Variants in TMC5 observed in about 807,000 individuals in gnomAD.
TMC5 encodes transmembrane channel-like protein 5.
TMC5 carries 86 observed loss-of-function variants against 110.5 expected under a neutral mutation model. That is an observed-to-expected ratio of 0.78 (90% confidence interval 0.65 to 0.93). The LOEUF is 0.93. Ranked by LOEUF, TMC5 falls within the 40% of genes least tolerant of loss-of-function variation. The pLI is 0.00. For missense variants in TMC5, 1,144 were observed against 1,222.8 expected (o/e 0.94, Z 0.96); for synonymous variants, 455 against 439.5 (o/e 1.04, Z -0.44).
intron 1 of TMC5, among the ~76,000 whole-genome samples, chr16:19,423,747 G>GTTATTA (rs528805466): frequency 3.3e-5 from 5 of 151,550 alleles, no homozygotes; most frequent in East Asian, 1.9e-4. Context: ...CAATTTTATT[G>GTTATTA]TTATTATTAT....
chr16:19,456,551 G>A (rs1967877402), intron 5 of TMC5: 1 of 1,425,332 alleles, frequency 7.0e-7, no homozygotes, highest in Non-Finnish European at 9.2e-7. Context: ...GCTTTGGTGA[G>A]CTCATCCTGG....
intron 4 of TMC5, among the ~76,000 whole-genome samples, chr16:19,445,495 G>A (rs1468196554): frequency 6.6e-6 from 1 of 152,060 alleles, no homozygotes; most frequent in Non-Finnish European, 1.5e-5. Context: ...TCCAGTCTCG[G>A]CCTCCCAAAG....
At chr16:19,466,019 C>T (rs1218996669) in intron 8 of TMC5, 63 bp from the exon 9 acceptor site, 3 of 1,577,602 alleles carry the variant, frequency 1.9e-6, no homozygotes, top group Admixed American at 1.7e-5. Flanking sequence ...ACTCTCATGA[C>T]CATAATCGTT....
In TMC5 at chr16:19,481,295, A is replaced by T; in HGVS notation, c.2268-75A>T. The T allele has an allele frequency of 2.8e-6, 3 of 1,079,990 alleles. No individual in the cohort carries two copies. In the Admixed American group the frequency reaches 5.2e-5, roughly 19 times the overall value. The allele number at this position is 1,079,990 out of a possible 1,614,324, so 66.9% of individuals were successfully genotyped here. Reference sequence around the variant, plus strand: ...AAGCTGGGGAGGGTCTCTTTTGTTGATTGTCCTAGTCTGTGGGGGATCTTC... The same window carrying T: ...AAGCTGGGGAGGGTCTCTTTTGTTGTTTGTCCTAGTCTGTGGGGGATCTTC... On this transcript the variant is annotated intron_variant, in intron 14 of 21. Coordinates refer to ENST00000542583, the MANE Select transcript of TMC5 (RefSeq NM_001261841.2).
At chr16:19,485,076 T>G (rs1276491487) in intron 15 of TMC5, among the ~76,000 whole-genome samples, 1 of 151,614 alleles carries the variant, frequency 6.6e-6, no homozygotes, top group Non-Finnish European at 1.5e-5. Context: ...ACGTTTCACC[T>G]GTACCATTAT....
chr16:19,466,054 C>T, intron 8 of TMC5, 28 bp from the exon 9 acceptor site: 1 of 1,611,228 alleles, frequency 6.2e-7, no homozygotes, highest in Non-Finnish European at 8.5e-7. Flanking sequence ...GGAGATCCAC[C>T]TGACCTATGG....
At chr16:19,416,811 C>A (rs566257639), upstream of TMC5, among the ~76,000 whole-genome samples, 1 of 152,106 alleles carries the variant, frequency 6.6e-6, no homozygotes, top group Non-Finnish European at 1.5e-5. Context: ...TGTGGCCAGG[C>A]GGCCAGATGC....
In TMC5 at chr16:19,440,435, C is replaced by T. The variant is rs376637338; in HGVS notation, c.397C>T (p.Arg133Ter). The T allele has an allele frequency of 4.8e-5, 77 of 1,613,992 alleles. 1 individual carries two copies. The highest frequency in any genetic ancestry group is 1.9e-4 in the African/African-American group (14 of 74,980). ...ACAACCAGACTACCCTGGATCTCAA[C>T]GAAATCCTGATTTTGCAGGCTCCAG... is the stretch of plus-strand genomic sequence containing the variant. ...SRQPDYPGSQ[R>*]NPDFAGSSSS... The change falls in exon 3 of 22, where the codon CGA becomes TGA. Residue 133 changes from arginine to a stop codon, truncating the protein, a stop_gained. Transcript: ENST00000542583. LOFTEE classifies it high-confidence loss of function.
intron 2 of TMC5, among the ~76,000 whole-genome samples, chr16:19,437,667 A>G (rs1373222462): frequency 1.3e-5 from 2 of 152,188 alleles, no homozygotes; most frequent in African/African-American, 4.8e-5. Flanking sequence ...TCATCTCATC[A>G]TGCTGGCTTG....
In TMC5 at chr16:19,477,435, T is replaced by C; in HGVS notation, c.2091-5T>C. On this transcript the variant is annotated splice_polypyrimidine_tract_variant and splice_region_variant and intron_variant, in intron 12 of 21. Coordinates refer to ENST00000542583, the MANE Select transcript of TMC5 (RefSeq NM_001261841.2). ...GTAATCATAAATGTTGTCTCTTCTG[T>C]TTAGAAACATCTTTTTGAAAATATC... The C allele has an allele frequency of 6.2e-7, 1 of 1,605,318 alleles. No individual in the cohort carries two copies.
rs1969103095 is a variant in TMC5 at position 19,498,082 on chromosome 16, G to C, written c.*116G>C. On this transcript the variant is annotated 3_prime_UTR_variant, in exon 22 of 22. Coordinates refer to ENST00000542583, the MANE Select transcript of TMC5 (RefSeq NM_001261841.2). ...GCCCAGAAGAAAATCCAAGGCTTTA[G>C]CCAGGAGCGGAAACTGACTACCATG... 1 of 1,039,974 alleles carries C rather than the reference G, an allele frequency of 9.6e-7. No individual in the cohort carries two copies. The highest frequency in any genetic ancestry group is 1.5e-6 in the Non-Finnish European group (1 of 673,932). The allele number at this position is 1,039,974 out of a possible 1,614,324, so 64.4% of individuals were successfully genotyped here. A position where few individuals can be genotyped will look rare whatever the true frequency, so the allele number is the denominator to read the frequency against.
chr16:19,418,299 C>G (rs1966902594), intron 1 of TMC5, among the ~76,000 whole-genome samples: 1 of 152,138 alleles, frequency 6.6e-6, no homozygotes. Context: ...ATTATGAGAA[C>G]AAGCCCTAGG....
chr16:19,418,469 G>A (rs1966905735), intron 1 of TMC5, among the ~76,000 whole-genome samples: 1 of 152,084 alleles, frequency 6.6e-6, no homozygotes, highest in African/African-American at 2.4e-5. Context: ...ATAAAATACG[G>A]TGCACGACAA....
At chr16:19,426,607 T>A (rs1199632669) in intron 1 of TMC5, among the ~76,000 whole-genome samples, 1 of 152,060 alleles carries the variant, frequency 6.6e-6, no homozygotes, top group East Asian at 1.9e-4. Context: ...GAGACGGGCG[T>A]CCTCCTTCTT....
chr16:19,456,542 C>G, intron 5 of TMC5: 1 of 1,418,278 alleles, frequency 7.1e-7, no homozygotes, highest in Admixed American at 2.9e-5. Flanking sequence ...GTAGGGGTGG[C>G]TTTGGTGAGC....
At chr16:19,463,114 G>A (rs568852392) in intron 6 of TMC5, among the ~76,000 whole-genome samples, 166 bp from the exon 7 acceptor site, 14 of 152,040 alleles carry the variant, frequency 9.2e-5, no homozygotes, top group African/African-American at 2.9e-4. Context: ...TAGAGACAAG[G>A]TCCCACTATT....
chr16:19,481,044 A>G (rs1300793322), intron 14 of TMC5, among the ~76,000 whole-genome samples: 1 of 152,114 alleles, frequency 6.6e-6, no homozygotes, highest in Non-Finnish European at 1.5e-5. Context: ...TCATGAAAAA[A>G]TAAGGTTTAA....
intron 2 of TMC5, among the ~76,000 whole-genome samples, chr16:19,434,406 CAT>C (rs1967290604): frequency 8.2e-6 from 1 of 121,450 alleles, no homozygotes. Flanking sequence ...ATATATATAT[CAT>C]ATATATCTAT....
At chr16:19,456,217 A>G (rs1372614122) in intron 5 of TMC5, among the ~76,000 whole-genome samples, 1 of 138,382 alleles carries the variant, frequency 7.2e-6, no homozygotes, top group Admixed American at 7.0e-5. Flanking sequence ...AAAAAAAAAA[A>G]TATATATATA....
Sources: gnomAD v4.1 joint callset for allele counts (sites outside exome capture counted in the v4.1 genomes callset) on GRCh38, gnomAD v4.1.1 for gene constraint, MANE v1.5 for transcripts, NCBI Gene and HGNC (gene_info 2026-07-23, HGNC 2026-07-21) for gene names.